The following ETFA variants were observed in gnomAD, a reference collection of about 807,000 sequenced individuals.
ETFA encodes electron transfer flavoprotein subunit alpha, mitochondrial.
Under a neutral mutation model 46.2 loss-of-function variants are expected in ETFA, and 22 were observed. The observed-to-expected ratio is 0.48, with a 90% CI of 0.34 to 0.68. The LOEUF (loss-of-function observed/expected upper bound fraction) is 0.68. Among genes scored for constraint, ETFA ranks in the 30% least tolerant of loss-of-function variants. The pLI is 0.01. For synonymous variants in ETFA, 131 were observed against 139.9 expected (o/e 0.94, Z 0.45); for missense variants, 345 against 401.1 (o/e 0.86, Z 1.19).
chr15:76,248,978 C>A lies in ETFA; in HGVS notation c.817-17580G>T, dbSNP rs921289789. The stretch of plus-strand genomic sequence containing the variant: ...CATTAAATATTCAAAGGGAAAAAAA[C>A]CATAAATGGATATTCCGCATATGTA... On this transcript the variant is annotated intron_variant, in intron 9 of 11. Transcript: ENST00000557943. Among the ~76,000 whole-genome samples, 17 of 151,748 alleles carry A rather than the reference C, an allele frequency of 1.1e-4. 1 individual carries two copies. The highest frequency in any genetic ancestry group is 3.4e-4 in the African/African-American group (14 of 41,266).
At chr15:76,270,924 CTT>C (rs1460647679) in intron 9 of ETFA, among the ~76,000 whole-genome samples, 1 of 152,150 alleles carries the variant, frequency 6.6e-6, no homozygotes, top group Non-Finnish European at 1.5e-5. Context: ...AATCCCAGCA[CTT>C]TGGGAGACCA....
intron 9 of ETFA, among the ~76,000 whole-genome samples, chr15:76,250,662 A>G (rs968918872): frequency 6.6e-6 from 1 of 151,842 alleles, no homozygotes; most frequent in African/African-American, 2.4e-5. Flanking sequence ...CCTCCTGAGT[A>G]GCTGGGACTA....
chr15:76,248,431 A>C (rs1054126978), intron 9 of ETFA, among the ~76,000 whole-genome samples: 2 of 152,212 alleles, frequency 1.3e-5, no homozygotes, highest in Non-Finnish European at 2.9e-5. Flanking sequence ...AAAATTTTTA[A>C]AACTTTTAGA....
At chr15:76,306,824 C>T (rs2039944931) in intron 1 of ETFA, among the ~76,000 whole-genome samples, 1 of 152,144 alleles carries the variant, frequency 6.6e-6, no homozygotes, top group Non-Finnish European at 1.5e-5. Context: ...ATTTACTTCA[C>T]TTTAAGAAAG....
chr15:76,296,758 T>C (rs1384932032), intron 1 of ETFA, among the ~76,000 whole-genome samples: 1 of 152,154 alleles, frequency 6.6e-6, no homozygotes, highest in Non-Finnish European at 1.5e-5. Context: ...GGAATAATTT[T>C]AAACACAAGG....
At chr15:76,273,700 C>G (rs1311988905) in intron 9 of ETFA, among the ~76,000 whole-genome samples, 1 of 151,020 alleles carries the variant, frequency 6.6e-6, no homozygotes, top group Non-Finnish European at 1.5e-5. Context: ...TTTTAATGGA[C>G]AAGACTGCAT....
At chr15:76,242,385 C>G (rs1308471779) in intron 9 of ETFA, among the ~76,000 whole-genome samples, 1 of 152,158 alleles carries the variant, frequency 6.6e-6, no homozygotes, top group Non-Finnish European at 1.5e-5. Context: ...TCACTAAGAG[C>G]TGGCCATTGC....
At chr15:76,238,100 G>A (rs373022474) in intron 9 of ETFA, among the ~76,000 whole-genome samples, 1 of 152,118 alleles carries the variant, frequency 6.6e-6, no homozygotes. Flanking sequence ...GAAATTATGT[G>A]AGTTTATGAT....
intron 9 of ETFA, among the ~76,000 whole-genome samples, chr15:76,264,307 A>T (rs2039448665): frequency 6.6e-6 from 1 of 152,212 alleles, no homozygotes; most frequent in African/African-American, 2.4e-5. Context: ...GGAAGCTCAA[A>T]CTCAGGCAAG....
chr15:76,220,062 G>A (rs1263993588), intron 11 of ETFA, among the ~76,000 whole-genome samples: 1 of 152,112 alleles, frequency 6.6e-6, no homozygotes, highest in Admixed American at 6.6e-5. Flanking sequence ...TAGGCAATGG[G>A]TTTCTGTTTT....
chr15:76,300,882 A>AC (rs1413564135), intron 1 of ETFA, among the ~76,000 whole-genome samples: 1 of 151,920 alleles, frequency 6.6e-6, no homozygotes, highest in Non-Finnish European at 1.5e-5. Context: ...TTTCCCTGTT[A>AC]CCCTACTAAA....
At chr15:76,258,669 C>A (rs182555348) in intron 9 of ETFA, among the ~76,000 whole-genome samples, 209 of 152,334 alleles carry the variant, frequency 1.4e-3, no homozygotes, top group African/African-American at 4.4e-3. Flanking sequence ...CCTGGACCCC[C>A]CACTGCCATC....
chr15:76,310,714 G>A (rs1271697466), intron 1 of ETFA, among the ~76,000 whole-genome samples: 1 of 152,208 alleles, frequency 6.6e-6, no homozygotes, highest in Admixed American at 6.5e-5. Flanking sequence ...ATAAAAAGAC[G>A]TCTGCCTTTC....
chr15:76,272,368 A>C (rs1223245743), intron 9 of ETFA, among the ~76,000 whole-genome samples: 1 of 151,970 alleles, frequency 6.6e-6, no homozygotes, highest in Non-Finnish European at 1.5e-5. Flanking sequence ...CTACAGGCAC[A>C]TGCCACCACA....
chr15:76,281,158 G>T (rs1003667297), intron 8 of ETFA, among the ~76,000 whole-genome samples: 14 of 151,592 alleles, frequency 9.2e-5, no homozygotes, highest in Non-Finnish European at 1.9e-4. Flanking sequence ...CAAGAAATCC[G>T]CCCACCTAGC....
chr15:76,284,558 T>A (rs2039687942), intron 7 of ETFA: 1 of 172,056 alleles, frequency 5.8e-6, no homozygotes, highest in South Asian at 1.4e-4. Context: ...TGGTGCGATC[T>A]CGGCTCACTG....
intron 9 of ETFA, among the ~76,000 whole-genome samples, chr15:76,239,357 T>G (rs925158858): frequency 6.6e-6 from 1 of 152,200 alleles, no homozygotes; most frequent in East Asian, 1.9e-4. Context: ...ATCAGGCTAA[T>G]TAACATATCT....
chr15:76,265,135 A>G (rs2469542), intron 9 of ETFA, among the ~76,000 whole-genome samples: 78,846 of 152,000 alleles, frequency 0.52, 20,880 homozygotes, highest in East Asian at 0.64. Flanking sequence ...TCTCCTTCCT[A>G]GGGAGCCACC....
intron 8 of ETFA, among the ~76,000 whole-genome samples, chr15:76,278,876 A>T (rs2039621922): frequency 6.6e-6 from 1 of 152,190 alleles, no homozygotes; most frequent in South Asian, 2.1e-4. Flanking sequence ...GACTTCCCTC[A>T]GGGGAGAATT....
Sources: gnomAD v4.1 joint callset for allele counts (sites outside exome capture counted in the v4.1 genomes callset) on GRCh38, gnomAD v4.1.1 for gene constraint, MANE v1.5 for transcripts, NCBI Gene and HGNC (gene_info 2026-07-23, HGNC 2026-07-21) for gene names.